Variants in ZBTB20 observed in about 807,000 individuals in gnomAD.
ZBTB20 encodes zinc finger and BTB domain-containing protein 20.
In ZBTB20, 9 loss-of-function variants were observed where a neutral mutation model predicts 56.9. The observed-to-expected ratio is 0.16, with a 90% CI of 0.10 to 0.28. The LOEUF (loss-of-function observed/expected upper bound fraction) is 0.28, where lower values mean the gene tolerates loss of function less well. ZBTB20 is among the 10% of genes least tolerant of loss of function. The probability of loss-of-function intolerance (pLI) is 1.00; values close to 1 mark genes in which losing one functional copy is unlikely to be tolerated. For synonymous variants in ZBTB20, 417 were observed against 420.7 expected (o/e 0.99, Z 0.11); for missense variants, 655 against 1,003.0 (o/e 0.65, Z 4.69).
chr3:114,820,635 T>C (rs1259743231), intron 4 of ZBTB20, among the ~76,000 whole-genome samples: 1 of 152,028 alleles, frequency 6.6e-6, no homozygotes, highest in Non-Finnish European at 1.5e-5. Flanking sequence ...GGGAAAAAAA[T>C]CAGATACCGA....
intron 7 of ZBTB20, among the ~76,000 whole-genome samples, chr3:114,472,296 T>A (rs1165609027): frequency 6.6e-6 from 1 of 152,198 alleles, no homozygotes; most frequent in Non-Finnish European, 1.5e-5. Context: ...AACTTTCAGA[T>A]TTTCCAAATT....
intron 6 of ZBTB20, among the ~76,000 whole-genome samples, chr3:114,686,266 G>A (rs568286852): frequency 6.6e-6 from 1 of 152,298 alleles, no homozygotes; most frequent in South Asian, 2.1e-4. Flanking sequence ...ATGGTGAGGT[G>A]TGGGAAATGT....
Position 114,747,474 on chromosome 3 carries a change from G to A in ZBTB20, c.-343+53627C>T, listed in dbSNP as rs531230195. Among the ~76,000 whole-genome samples, 36 of 152,276 alleles carry A rather than the reference G, an allele frequency of 2.4e-4. 1 individual carries two copies. In the South Asian group the frequency reaches 7.5e-3, roughly 32 times the overall value. On this transcript the variant is annotated intron_variant, in intron 5 of 11. Transcript: ENST00000675478. ...CCCAGTTCGGGAGGCTGAGGCAGGA[G>A]AATTGCTTGAACCCAGGAGATGGAG...
intron 1 of ZBTB20, among the ~76,000 whole-genome samples, chr3:115,119,669 T>C (rs903853416): frequency 3.3e-5 from 5 of 152,196 alleles, no homozygotes; most frequent in African/African-American, 1.2e-4. Context: ...TTTTAGCTTG[T>C]GTTTATTTCT....
chr3:114,400,235 AT>A (rs2108691740), intron 7 of ZBTB20, among the ~76,000 whole-genome samples: 1 of 152,288 alleles, frequency 6.6e-6, no homozygotes, highest in East Asian at 1.9e-4. Flanking sequence ...GTTCTCACTT[AT>A]AAAGTCATGA....
intron 6 of ZBTB20, among the ~76,000 whole-genome samples, chr3:114,592,381 C>T (rs1316314416): frequency 5.3e-5 from 8 of 152,062 alleles, no homozygotes; most frequent in Non-Finnish European, 1.0e-4. Flanking sequence ...ATGGGCAAAT[C>T]GATTTCATTA....
intron 3 of ZBTB20, among the ~76,000 whole-genome samples, chr3:114,953,748 A>C (rs2077154835): frequency 6.6e-6 from 1 of 152,082 alleles, no homozygotes; most frequent in Admixed American, 6.5e-5. Context: ...GAAATGGAAA[A>C]ATCTACAATT....
intron 6 of ZBTB20, among the ~76,000 whole-genome samples, chr3:114,596,190 GCAA>G (rs890405465): frequency 2.0e-5 from 3 of 152,046 alleles, no homozygotes; most frequent in Admixed American, 2.0e-4. Context: ...CTATAAAACA[GCAA>G]CAACAATTTT....
intron 4 of ZBTB20, among the ~76,000 whole-genome samples, chr3:114,838,556 A>G (rs936840421): frequency 1.3e-4 from 20 of 151,020 alleles, no homozygotes; most frequent in East Asian, 1.9e-4. Context: ...CTGGGGGGGG[A>G]AAGTCTCTGA....
At chr3:114,689,947 T>A (rs2062598431) in intron 6 of ZBTB20, among the ~76,000 whole-genome samples, 1 of 151,968 alleles carries the variant, frequency 6.6e-6, no homozygotes, top group African/African-American at 2.4e-5. Context: ...GATATTTTAA[T>A]GATGATGACA....
At chr3:114,667,305 A>G (rs1208871586) in intron 6 of ZBTB20, among the ~76,000 whole-genome samples, 1 of 152,080 alleles carries the variant, frequency 6.6e-6, no homozygotes, top group African/African-American at 2.4e-5. Flanking sequence ...GCCTACATAT[A>G]TAATTTTATT....
At chr3:114,808,661 C>T (rs1365668586) in intron 4 of ZBTB20, among the ~76,000 whole-genome samples, 2 of 151,832 alleles carry the variant, frequency 1.3e-5, no homozygotes, top group African/African-American at 4.8e-5. Flanking sequence ...CTATTATTTT[C>T]ATTATCTATT....
intron 1 of ZBTB20, among the ~76,000 whole-genome samples, chr3:115,138,255 G>C (rs2084707269): frequency 6.6e-6 from 1 of 151,920 alleles, no homozygotes; most frequent in Admixed American, 6.6e-5. Context: ...GATTTCCAAG[G>C]CCTGCTTTAA....
intron 5 of ZBTB20, among the ~76,000 whole-genome samples, chr3:114,775,932 C>G (rs1372004470): frequency 2.0e-5 from 3 of 152,060 alleles, no homozygotes; most frequent in African/African-American, 7.2e-5. Flanking sequence ...TATGTAAAAT[C>G]TACAAATCTG....
intron 6 of ZBTB20, among the ~76,000 whole-genome samples, chr3:114,660,900 G>C (rs565006292): frequency 7.9e-5 from 12 of 152,162 alleles, no homozygotes; most frequent in South Asian, 6.2e-4. Flanking sequence ...GGTGGAGAGA[G>C]AGACAGCAAG....
rs114743041 is a variant in ZBTB20, at chr3:114,942,586, A to G, written c.-456+31780T>C. Reference sequence around the variant, plus strand: ...AACTCCAGTTCTACTGTGATAGAGTAGCTTATATCAAATCACCCCCTCGTT... The same window carrying G: ...AACTCCAGTTCTACTGTGATAGAGTGGCTTATATCAAATCACCCCCTCGTT... On this transcript the variant is annotated intron_variant, in intron 3 of 11. Coordinates refer to ENST00000675478, the MANE Select transcript of ZBTB20 (RefSeq NM_001348800.3). Among the ~76,000 whole-genome samples, 1,223 of 145,802 alleles carry G rather than the reference A, an allele frequency of 8.4e-3. 36 individuals carry two copies. Among genetic ancestry groups the G allele is most frequent in the Non-Finnish European group, 0.013 (874 of 67,758 alleles).
intron 2 of ZBTB20, among the ~76,000 whole-genome samples, chr3:115,062,975 T>C (rs970167972): frequency 5.9e-5 from 9 of 152,216 alleles, no homozygotes; most frequent in African/African-American, 2.2e-4. Flanking sequence ...TGAAAGTTTA[T>C]CTGTCTTTTT....
intron 6 of ZBTB20, among the ~76,000 whole-genome samples, chr3:114,578,978 G>A (rs1224048857): frequency 1.3e-5 from 2 of 151,670 alleles, no homozygotes; most frequent in Non-Finnish European, 3.0e-5. Flanking sequence ...CACAATTATA[G>A]TAACAAGATT....
intron 5 of ZBTB20, among the ~76,000 whole-genome samples, chr3:114,697,076 A>G (rs1407907499): frequency 7.8e-6 from 1 of 127,460 alleles, no homozygotes; most frequent in African/African-American, 2.7e-5. Flanking sequence ...AAAAAAAAAA[A>G]GAAGAAGAAA....
Sources: allele counts gnomAD v4.1 joint callset (sites outside exome capture counted in the v4.1 genomes callset), GRCh38; gene constraint gnomAD v4.1.1; transcripts MANE v1.5; gene names NCBI Gene and HGNC (gene_info 2026-07-23, HGNC 2026-07-21).